The following GAB2 variants were observed in gnomAD, a reference collection of about 807,000 sequenced individuals.
GAB2 encodes GRB2-associated-binding protein 2.
Under a neutral mutation model 65.5 loss-of-function variants are expected in GAB2, and 26 were observed. The ratio of observed to expected loss-of-function variants is 0.40; its 90% CI spans 0.29 to 0.55. The LOEUF is 0.55. Among genes scored for constraint, GAB2 ranks in the 20% least tolerant of loss-of-function variants. The pLI, the probability that GAB2 is intolerant of heterozygous loss-of-function variation, is 0.53. For missense variants in GAB2, 884 were observed against 875.8 expected, an observed-to-expected ratio of 1.01 and a Z score of -0.12; for synonymous variants, 321 against 329.6, an observed-to-expected ratio of 0.97 and a Z score of 0.28.
At chr11:78,337,735 G>C (rs1015385350) in intron 1 of GAB2, among the ~76,000 whole-genome samples, 1 of 152,128 alleles carries the variant, frequency 6.6e-6, no homozygotes. Flanking sequence ...TCTATATTCC[G>C]TAAGACACAT....
chr11:78,280,471 C>A, intron 2 of GAB2, 130 bp downstream of exon 2: 1 of 788,540 alleles, frequency 1.3e-6, no homozygotes. Context: ...AACCCCTTCA[C>A]ACTCTTTACC....
chr11:78,417,658 C>T lies in GAB2; in HGVS notation c.63G>A (p.Lys21=). 1 of 1,388,462 alleles carries T rather than the reference C, an allele frequency of 7.2e-7. No individual in the cohort carries two copies. The highest frequency in any genetic ancestry group is 9.5e-7 in the Non-Finnish European group (1 of 1,048,224). 86.0% of individuals were successfully genotyped at this position (1,388,462 alleles called of 1,614,324 possible). A position where few individuals can be genotyped will look rare whatever the true frequency, so the allele number is the denominator to read the frequency against. Reference sequence around the variant, plus strand: ...CGCCCGCACTCACATAGCGCCTCAACTTCTTCTCGGGAGGCGATTTCCTCA... The same window carrying T: ...CGCCCGCACTCACATAGCGCCTCAATTTCTTCTCGGGAGGCGATTTCCTCA... ...GWLRKSPPEK[K]LRRYAWKKRW... is the part of the protein sequence containing the mutation. Residue 21 remains lysine (K), a synonymous_variant, in exon 1 of 10, where the codon AAG becomes AAA. Transcript: ENST00000361507.
chr11:78,280,249 G>C (rs1866295590), intron 2 of GAB2, among the ~76,000 whole-genome samples: 1 of 152,182 alleles, frequency 6.6e-6, no homozygotes. Context: ...ACCAAGGTGA[G>C]ACCTTCCCTA....
intron 2 of GAB2, among the ~76,000 whole-genome samples, chr11:78,261,021 G>A (rs984257668): frequency 1.3e-5 from 2 of 152,118 alleles, no homozygotes; most frequent in African/African-American, 2.4e-5. Flanking sequence ...ACCAGCCTGG[G>A]CAACACTGGA....
rs116486628 is a variant in GAB2 at position 78,339,359 on chromosome 11, G to A, written c.76-58458C>T. On this transcript the variant is annotated intron_variant, in intron 1 of 9. Transcript: ENST00000361507. ...TCTTTTCTTTTTTTGCACCCATTTG[G>A]GGTTTCAAGATGGTCACAAGTCAGT... 2.1e-3 allele frequency among the ~76,000 whole-genome samples: 324 copies of A among 152,100 alleles called. 1 individual carries two copies. The highest frequency in any genetic ancestry group is 6.9e-3 in the African/African-American group (285 of 41,464).
At chr11:78,320,725 C>CTTTTTTT (rs72241707) in intron 1 of GAB2, among the ~76,000 whole-genome samples, 1 of 102,498 alleles carries the variant, frequency 9.8e-6, no homozygotes, top group African/African-American at 3.8e-5. Context: ...TAATTTTTGC[C>CTTTTTTT]TTTTTTTTTT....
At chr11:78,285,043 T>G (rs1258243776) in intron 1 of GAB2, among the ~76,000 whole-genome samples, 1 of 152,232 alleles carries the variant, frequency 6.6e-6, no homozygotes, top group Non-Finnish European at 1.5e-5. Context: ...ACTATTTATT[T>G]ATAGTAATTT....
chr11:78,262,158 T>C (rs1326890635), intron 2 of GAB2, among the ~76,000 whole-genome samples: 1 of 151,512 alleles, frequency 6.6e-6, no homozygotes, highest in African/African-American at 2.4e-5. Context: ...GCTCCAGTTT[T>C]GCCTAGGGAA....
chr11:78,388,658 T>C lies in GAB2; in HGVS notation c.75+28988A>G, dbSNP rs149748796. The stretch of plus-strand genomic sequence containing the variant: ...TTGTTTATAGATGGGGCTCACAATA[T>C]AGTCCCAGAACATAATTTCTCTTGT... On this transcript the variant is annotated intron_variant, in intron 1 of 9. Coordinates refer to ENST00000361507, the MANE Select transcript of GAB2 (RefSeq NM_080491.3). 5.9e-5 allele frequency among the ~76,000 whole-genome samples: 9 copies of C among 152,314 alleles called. No homozygotes were observed. In the East Asian group the frequency reaches 1.7e-3, roughly 29 times the overall value.
intron 1 of GAB2, among the ~76,000 whole-genome samples, chr11:78,283,408 G>A (rs1866382053): frequency 6.6e-6 from 1 of 152,168 alleles, no homozygotes; most frequent in South Asian, 2.1e-4. Flanking sequence ...TTCCCATCAA[G>A]ACATCAACGT....
At chr11:78,234,643 T>C (rs116812290) in intron 3 of GAB2, among the ~76,000 whole-genome samples, 5,806 of 149,536 alleles carry the variant, frequency 0.039, 366 homozygotes, top group African/African-American at 0.13. Flanking sequence ...TATACATATA[T>C]GTATTTATAT....
intron 1 of GAB2, among the ~76,000 whole-genome samples, chr11:78,310,346 CAAA>C (rs140896478): frequency 4.2e-4 from 50 of 120,110 alleles, no homozygotes; most frequent in South Asian, 1.0e-3. Context: ...ACTAAAAATA[CAAA>C]AAAAAAAAAA....
At chr11:78,347,900 A>G (rs2134700166) in intron 1 of GAB2, among the ~76,000 whole-genome samples, 1 of 152,358 alleles carries the variant, frequency 6.6e-6, no homozygotes, top group Non-Finnish European at 1.5e-5. Flanking sequence ...CATGCAGTCA[A>G]AAATCCATGT....
At chr11:78,331,349 G>A (rs555508074) in intron 1 of GAB2, among the ~76,000 whole-genome samples, 11 of 150,578 alleles carry the variant, frequency 7.3e-5, no homozygotes, top group East Asian at 4.0e-4. Context: ...AGGTTCAAGC[G>A]ATTCCCCTGC....
intron 1 of GAB2, among the ~76,000 whole-genome samples, chr11:78,398,170 A>G (rs1283723483): frequency 1.3e-5 from 2 of 152,184 alleles, no homozygotes; most frequent in Non-Finnish European, 2.9e-5. Context: ...AGTCAGCAGA[A>G]CTCCAATTGG....
Position 78,417,656 on chromosome 11 carries a change from A to G in GAB2, c.65T>C (p.Leu22Ser). The G allele has an allele frequency of 7.2e-7, 1 of 1,381,270 alleles. No individual in the cohort carries two copies. Among genetic ancestry groups the G allele is most frequent in the Admixed American group, 2.2e-5 (1 of 44,654 alleles). 85.6% of individuals were successfully genotyped at this position (1,381,270 alleles called of 1,614,324 possible). The change falls in exon 1 of 10, where the codon TTG becomes TCG. Residue 22 changes from leucine (L) to serine (S), a missense_variant. Transcript: ENST00000361507. Reference protein sequence around the residue: ...WLRKSPPEKKLRRYAWKKRWF... With the variant: ...WLRKSPPEKKSRRYAWKKRWF... ...CGCGCCCGCACTCACATAGCGCCTC[A>G]ACTTCTTCTCGGGAGGCGATTTCCT...
At chr11:78,312,442 T>G (rs1167805362) in intron 1 of GAB2, among the ~76,000 whole-genome samples, 1 of 152,252 alleles carries the variant, frequency 6.6e-6, no homozygotes, top group African/African-American at 2.4e-5. Flanking sequence ...TATTTATTTT[T>G]TGAGACGGAG....
chr11:78,402,979 T>G (rs961418215), intron 1 of GAB2, among the ~76,000 whole-genome samples: 1 of 152,168 alleles, frequency 6.6e-6, no homozygotes, highest in African/African-American at 2.4e-5. Context: ...AGAGACATTA[T>G]AAAAGAAACC....
At chr11:78,395,554 G>A (rs1487705775) in intron 1 of GAB2, among the ~76,000 whole-genome samples, 1 of 152,222 alleles carries the variant, frequency 6.6e-6, no homozygotes, top group Non-Finnish European at 1.5e-5. Flanking sequence ...TAGATATACT[G>A]AACTTTTCAA....
Sources: gnomAD v4.1 joint callset for allele counts (sites outside exome capture counted in the v4.1 genomes callset) on GRCh38, gnomAD v4.1.1 for gene constraint, MANE v1.5 for transcripts, NCBI Gene and HGNC (gene_info 2026-07-23, HGNC 2026-07-21) for gene names.